Variants in SLC39A9 observed in about 807,000 individuals in gnomAD.
The protein encoded by SLC39A9 is solute carrier family 39 member 9.
SLC39A9 carries 14 observed loss-of-function variants against 28.4 expected under a neutral mutation model. The observed-to-expected ratio is 0.49, with a 90% CI of 0.33 to 0.77. SLC39A9 has a LOEUF of 0.77. Among genes scored for constraint, SLC39A9 ranks in the 30% least tolerant of loss-of-function variants. The pLI is 0.02. For missense variants in SLC39A9, 283 were observed against 381.1 expected (o/e 0.74, Z 2.14); for synonymous variants, 119 against 149.6 (o/e 0.80, Z 1.49).
Position 69,458,795 on chromosome 14 carries a change from T to G in SLC39A9, c.*202T>G. 1 of 1,332,762 alleles carries G rather than the reference T, an allele frequency of 7.5e-7. No homozygotes were observed. The highest frequency in any genetic ancestry group is 2.4e-5 in the South Asian group (1 of 41,030). 82.6% of individuals were successfully genotyped at this position (1,332,762 alleles called of 1,614,324 possible). On this transcript the variant is annotated 3_prime_UTR_variant, in exon 7 of 7. Coordinates refer to ENST00000336643, the MANE Select transcript of SLC39A9 (RefSeq NM_018375.5). ...GAAACACATTTACGTTGCAGTTAGCTATAGACATCCCATTGTGTTATCTTT... is the reference window on the plus strand; with the variant it reads ...GAAACACATTTACGTTGCAGTTAGCGATAGACATCCCATTGTGTTATCTTT...
At position 69,458,379 on chromosome 14, in the gene SLC39A9, T is replaced by G; in HGVS notation, c.710T>G (p.Leu237Arg). The G allele has an allele frequency of 6.2e-7, 1 of 1,614,234 alleles. No homozygotes were observed. Among genetic ancestry groups the G allele is most frequent in the Non-Finnish European group, 8.5e-7 (1 of 1,180,044 alleles). Residue 237 changes from leucine (L) to arginine (R), a missense_variant, in exon 7 of 7, where the codon CTT becomes CGT. Transcript: ENST00000336643. ...AATTCACAGAGCAGTAAAGAAGCCC[T>G]TTCAGAGGTGAACGCCACGGGAGTG... ...LGLSKSSKEALSEVNATGVAM... is the reference protein window; with the variant it reads ...LGLSKSSKEARSEVNATGVAM...
chr14:69,453,434 A>G (rs891064458), intron 4 of SLC39A9, 125 bp downstream of exon 4: 4 of 785,818 alleles, frequency 5.1e-6, no homozygotes, highest in African/African-American at 1.7e-5. Context: ...AGGTTTCTTA[A>G]TGAAGTCCTC....
At chr14:69,448,209 T>A (rs1266402929) in intron 3 of SLC39A9, among the ~76,000 whole-genome samples, 5 of 70,186 alleles carry the variant, frequency 7.1e-5, no homozygotes, top group African/African-American at 3.2e-4. Context: ...AGTGAGACTC[T>A]GTCTCAAAAA....
Position 69,458,959 on chromosome 14 carries a change from T to C in SLC39A9, c.*366T>C. On this transcript the variant is annotated 3_prime_UTR_variant, in exon 7 of 7. Transcript: ENST00000336643. ...ATTATGAAAATACAGTGTTCTGTAA[T>C]TAAGCTATGTCTCTTTCTTCTTAGT... 9.9e-7 allele frequency: 1 copy of C among 1,008,588 alleles called. No homozygotes were observed. Among genetic ancestry groups the C allele is most frequent in the Non-Finnish European group, 1.2e-6 (1 of 843,814 alleles). 62.5% of individuals were successfully genotyped at this position (1,008,588 alleles called of 1,614,324 possible).
chr14:69,442,087 G>A lies in SLC39A9; in HGVS notation c.224G>A (p.Ser75Asn). 6.2e-7 allele frequency: 1 copy of A among 1,614,118 alleles called. No homozygotes were observed. The highest frequency in any genetic ancestry group is 8.5e-7 in the Non-Finnish European group (1 of 1,179,986). The change falls in exon 3 of 7, where the codon AGT (serine) becomes AAT (asparagine). Residue 75 changes from serine (S) to asparagine (N), a missense_variant. Physicochemically the swap from Ser to Asn is conservative, Grantham distance 46 (BLOSUM62 1). Transcript: ENST00000336643. Reference protein sequence around the residue: ...DILEGKHHQASETHNVIASDK... With the variant: ...DILEGKHHQANETHNVIASDK... ...GCTCTAGGAAAACACCACCAAGCAA[G>A]TGAAACACATAATGTGATTGCATCA...
chr14:69,420,655 C>A (rs961880472), intron 1 of SLC39A9, among the ~76,000 whole-genome samples: 1 of 152,202 alleles, frequency 6.6e-6, no homozygotes, highest in African/African-American at 2.4e-5. Flanking sequence ...TAGATTTGGT[C>A]TTTTCACATA....
intron 3 of SLC39A9, among the ~76,000 whole-genome samples, chr14:69,451,081 T>A (rs191534726): frequency 9.8e-5 from 15 of 152,356 alleles, no homozygotes; most frequent in Admixed American, 8.5e-4. Context: ...TAAGCCTTTG[T>A]ATAAAAAAAG....
At chr14:69,457,828 A>T (rs1454999413) in intron 6 of SLC39A9, among the ~76,000 whole-genome samples, 1 of 152,150 alleles carries the variant, frequency 6.6e-6, no homozygotes, top group African/African-American at 2.4e-5. Context: ...TCCAGGCTGT[A>T]GTGTGTTATG....
rs559316585 is a variant in SLC39A9, at chr14:69,418,383, T to C, written c.97-5711T>C. On this transcript the variant is annotated intron_variant, in intron 1 of 6. Coordinates refer to ENST00000336643, the MANE Select transcript of SLC39A9 (RefSeq NM_018375.5). ...TTGGTTTGCATCCTCAGTATTTTAC[T>C]GAGGATTTTTGCATCGATGTTCATC... is the stretch of plus-strand genomic sequence containing the variant. Among the ~76,000 whole-genome samples the C allele has an allele frequency of 9.2e-5, 14 of 152,308 alleles. No homozygotes were observed. In the South Asian group the frequency reaches 2.7e-3, roughly 29 times the overall value.
At chr14:69,406,245 A>C (rs1181470039) in intron 1 of SLC39A9, among the ~76,000 whole-genome samples, 1 of 152,200 alleles carries the variant, frequency 6.6e-6, no homozygotes, top group East Asian at 1.9e-4. Context: ...GAAACCTATA[A>C]GAAATAAGTT....
At chr14:69,407,391 G>A (rs1376858222) in intron 1 of SLC39A9, among the ~76,000 whole-genome samples, 1 of 147,966 alleles carries the variant, frequency 6.8e-6, no homozygotes, top group Non-Finnish European at 1.5e-5. Context: ...AGGCTGGACT[G>A]CAATGGCATG....
chr14:69,398,533 C>G (rs952731349), upstream of SLC39A9: 3 of 537,442 alleles, frequency 5.6e-6, no homozygotes, highest in Non-Finnish European at 6.7e-6. Context: ...AAACATACGG[C>G]TCAAGTGATC....
At chr14:69,423,204 C>T (rs912397943) in intron 1 of SLC39A9, among the ~76,000 whole-genome samples, 1 of 152,048 alleles carries the variant, frequency 6.6e-6, no homozygotes, top group Non-Finnish European at 1.5e-5. Context: ...ATTATCAATA[C>T]ATATTGATTG....
chr14:69,422,288 T>C (rs1165073095), intron 1 of SLC39A9, among the ~76,000 whole-genome samples: 1 of 152,220 alleles, frequency 6.6e-6, no homozygotes, highest in African/African-American at 2.4e-5. Flanking sequence ...GGTCTCTTTA[T>C]GTTGCCCAGG....
At chr14:69,454,608 A>C (rs1885773802) in intron 4 of SLC39A9, 1 of 434,062 alleles carries the variant, frequency 2.3e-6, no homozygotes, top group African/African-American at 2.0e-5. Context: ...TCTTTACATA[A>C]GTTATCTCAT....
chr14:69,438,277 G>T (rs1257252640), intron 2 of SLC39A9, among the ~76,000 whole-genome samples: 1 of 151,918 alleles, frequency 6.6e-6, no homozygotes, highest in Non-Finnish European at 1.5e-5. Context: ...TGCCTTGGCC[G>T]CCCAAAGTGC....
intron 1 of SLC39A9, among the ~76,000 whole-genome samples, chr14:69,407,202 A>T (rs1178587845): frequency 6.6e-6 from 1 of 151,964 alleles, no homozygotes. Flanking sequence ...CTTGAGGGTA[A>T]CTAATAGATA....
At chr14:69,429,121 T>C (rs867973429) in intron 2 of SLC39A9, 23 of 152,184 alleles carry the variant, frequency 1.5e-4, no homozygotes, top group African/African-American at 4.6e-4. Context: ...TTTTCTTCAG[T>C]TAATAATGTA....
Position 69,460,650 on chromosome 14 carries a change from T to C in SLC39A9, c.*2057T>C. On this transcript the variant is annotated 3_prime_UTR_variant, in exon 7 of 7. Transcript: ENST00000336643. Reference sequence around the variant, plus strand: ...CTCTTTCAGCAGTGCCTTGCCATCATGCTTAAAAGTTTGGCTAGTATATCT... The same window carrying C: ...CTCTTTCAGCAGTGCCTTGCCATCACGCTTAAAAGTTTGGCTAGTATATCT... 1 of 985,480 alleles carries C rather than the reference T, an allele frequency of 1.0e-6. No individual in the cohort carries two copies. The highest frequency in any genetic ancestry group is 1.2e-6 in the Non-Finnish European group (1 of 829,952). The allele number at this position is 985,480 out of a possible 1,614,324, so 61.0% of individuals were successfully genotyped here. A position where few individuals can be genotyped will look rare whatever the true frequency, so the allele number is the denominator to read the frequency against.
Sources: gnomAD v4.1 joint callset for allele counts (sites outside exome capture counted in the v4.1 genomes callset) on GRCh38, gnomAD v4.1.1 for gene constraint, MANE v1.5 for transcripts, NCBI Gene and HGNC (gene_info 2026-07-23, HGNC 2026-07-21) for gene names.